Variants in PPME1 observed in about 807,000 individuals in gnomAD.
PPME1 encodes the protein protein phosphatase methylesterase 1, also known as testicular secretory protein Li 39.
In PPME1, 17 loss-of-function variants were observed where a neutral mutation model predicts 56.9. That is an observed-to-expected ratio of 0.30 (90% CI 0.20 to 0.45). The LOEUF is 0.45. PPME1 is among the 20% of genes least tolerant of loss of function. The pLI, the probability that PPME1 is intolerant of heterozygous loss-of-function variation, is 1.00. For missense variants in PPME1, 357 were observed against 483.2 expected (o/e 0.74, Z 2.45); for synonymous variants, 122 against 156.2 (o/e 0.78, Z 1.63).
chr11:74,199,022 A>G (rs1858071632), intron 1 of PPME1, among the ~76,000 whole-genome samples: 1 of 152,184 alleles, frequency 6.6e-6, no homozygotes, highest in Non-Finnish European at 1.5e-5. Context: ...AAAATACTGT[A>G]CTATTCCCAC....
chr11:74,219,994 G>T (rs1858755470), intron 3 of PPME1, among the ~76,000 whole-genome samples: 1 of 152,088 alleles, frequency 6.6e-6, no homozygotes, highest in African/African-American at 2.4e-5. Context: ...TGCATTGTTT[G>T]CCTGTATCAG....
chr11:74,245,273 A>G (rs1237210510), intron 9 of PPME1, among the ~76,000 whole-genome samples: 1 of 151,832 alleles, frequency 6.6e-6, no homozygotes, highest in Non-Finnish European at 1.5e-5. Context: ...TACTTTGGGT[A>G]GTATGGACAT....
chr11:74,187,364 T>C (rs2848557), intron 1 of PPME1, among the ~76,000 whole-genome samples: 104,527 of 152,040 alleles, frequency 0.69, 36,141 homozygotes, highest in East Asian at 0.85. Context: ...CTCAGTGTTC[T>C]AATCCATGAA....
At chr11:74,203,688 C>T (rs1180505799) in intron 1 of PPME1, 40 bp from the exon 2 acceptor site, 3 of 1,486,242 alleles carry the variant, frequency 2.0e-6, no homozygotes, top group Non-Finnish European at 2.8e-6. Flanking sequence ...TCTCTTTATG[C>T]ATAATTTTTC....
intron 3 of PPME1, among the ~76,000 whole-genome samples, chr11:74,220,806 A>G (rs1389843729): frequency 6.6e-6 from 1 of 152,176 alleles, no homozygotes; most frequent in East Asian, 1.9e-4. Flanking sequence ...CTTTCCACTC[A>G]TCCATTTCAG....
rs559784019 is a variant in PPME1 at position 74,213,950 on chromosome 11, T to A, written c.289-8362T>A. ...CAGTCACTGATCAATATTCACAAAC[T>A]CAAGACTGTCTAGGAAAACATGACT... On this transcript the variant is annotated intron_variant, in intron 3 of 13. Coordinates refer to ENST00000328257, the MANE Select transcript of PPME1 (RefSeq NM_016147.3). Among the ~76,000 whole-genome samples the A allele has an allele frequency of 3.3e-5, 5 of 152,200 alleles. No individual in the cohort carries two copies. In the East Asian group the frequency reaches 9.7e-4, roughly 29 times the overall value.
intron 1 of PPME1, 53 bp from the exon 2 acceptor site, chr11:74,203,675 T>G (rs1432309967): frequency 7.2e-7 from 1 of 1,390,510 alleles, no homozygotes; most frequent in Non-Finnish European, 1.0e-6. Flanking sequence ...GACCAAGATT[T>G]TATCTCTTTA....
At position 74,171,318 on chromosome 11, in the gene PPME1, C is replaced by T. The variant is rs1857208617; in HGVS notation, c.-104C>T. ...CGGGTAGCTGGGTGCTGTCCAAAGG[C>T]GACAGGGCGTCGTTAGGGGAGCGAG... On this transcript the variant is annotated 5_prime_UTR_variant, in exon 1 of 14. Coordinates refer to ENST00000328257, the MANE Select transcript of PPME1 (RefSeq NM_016147.3). 3 of 1,510,494 alleles carry T rather than the reference C, an allele frequency of 2.0e-6. No individual in the cohort carries two copies. Among genetic ancestry groups the T allele is most frequent in the African/African-American group, 1.4e-5 (1 of 72,820 alleles). The allele number at this position is 1,510,494 out of a possible 1,614,324, so 93.6% of individuals were successfully genotyped here.
intron 3 of PPME1, among the ~76,000 whole-genome samples, chr11:74,208,493 G>T (rs1428655858): frequency 2.0e-5 from 3 of 152,090 alleles, no homozygotes; most frequent in Non-Finnish European, 4.4e-5. Context: ...TAAGAAAAAT[G>T]GAAATGGCAC....
intron 1 of PPME1, among the ~76,000 whole-genome samples, chr11:74,176,347 A>C (rs908199240): frequency 6.6e-6 from 1 of 152,190 alleles, no homozygotes; most frequent in African/African-American, 2.4e-5. Flanking sequence ...AGCTATTCAC[A>C]CAGATGGGGA....
intron 3 of PPME1, among the ~76,000 whole-genome samples, chr11:74,206,675 T>G (rs12282753): frequency 0.021 from 3,126 of 152,216 alleles, 119 homozygotes; most frequent in African/African-American, 0.071. Context: ...CAAGTGATCC[T>G]CCCACCTCAG....
rs138622667 is a variant in PPME1, at chr11:74,203,428, G to A, written c.102-300G>A. On this transcript the variant is annotated intron_variant, in intron 1 of 13. Coordinates refer to ENST00000328257, the MANE Select transcript of PPME1 (RefSeq NM_016147.3). ...CAGGTTTTGTGTGTATATGAACACA[G>A]AATTTATTTGTGATTAAAATATACT... Among the ~76,000 whole-genome samples, 7 of 152,204 alleles carry A rather than the reference G, an allele frequency of 4.6e-5. No individual in the cohort carries two copies. In the East Asian group the frequency reaches 1.3e-3, roughly 29 times the overall value.
chr11:74,221,751 T>C (rs1392183789), intron 3 of PPME1, among the ~76,000 whole-genome samples: 13 of 152,170 alleles, frequency 8.5e-5, no homozygotes, highest in Non-Finnish European at 1.8e-4. Flanking sequence ...CCTCTAAAAT[T>C]GTACCTCCCC....
chr11:74,181,894 T>A (rs552721487), intron 1 of PPME1, among the ~76,000 whole-genome samples: 3 of 152,352 alleles, frequency 2.0e-5, no homozygotes, highest in Admixed American at 2.0e-4. Context: ...ACTGAATGTG[T>A]CTGTGTTCTA....
intron 3 of PPME1, among the ~76,000 whole-genome samples, chr11:74,219,905 A>T (rs1858752977): frequency 6.6e-6 from 1 of 152,152 alleles, no homozygotes; most frequent in Admixed American, 6.6e-5. Context: ...CTAAAAGGGT[A>T]TAGTTAGATT....
intron 1 of PPME1, among the ~76,000 whole-genome samples, chr11:74,189,073 C>G (rs558179071): frequency 2.0e-3 from 309 of 152,166 alleles, no homozygotes; most frequent in Middle Eastern, 6.8e-3. Context: ...TGTAAACATA[C>G]AGTTATATTT....
intron 1 of PPME1, among the ~76,000 whole-genome samples, chr11:74,190,434 G>A (rs1270863813): frequency 6.6e-6 from 1 of 152,166 alleles, no homozygotes; most frequent in African/African-American, 2.4e-5. Flanking sequence ...CATGTGATGT[G>A]GCTGCTCCAG....
intron 7 of PPME1, among the ~76,000 whole-genome samples, chr11:74,231,739 C>G (rs911046535): frequency 6.6e-6 from 1 of 152,166 alleles, no homozygotes; most frequent in Admixed American, 6.5e-5. Flanking sequence ...TTTAGATTTA[C>G]TTTCTGTGTT....
At chr11:74,171,768 A>C (rs1857241022) in intron 1 of PPME1, among the ~76,000 whole-genome samples, 1 of 152,128 alleles carries the variant, frequency 6.6e-6, no homozygotes, top group Non-Finnish European at 1.5e-5. Context: ...GGGGAAGCTG[A>C]GAGACTAACA....
Sources: allele counts gnomAD v4.1 joint callset (sites outside exome capture counted in the v4.1 genomes callset), GRCh38; gene constraint gnomAD v4.1.1; transcripts MANE v1.5; gene names NCBI Gene and HGNC (gene_info 2026-07-23, HGNC 2026-07-21).